ZMIZ1: variants seen among roughly 807,000 people sequenced by gnomAD.
ZMIZ1 encodes the protein zinc finger MIZ-type containing 1, also known as zinc finger MIZ domain-containing protein 1.
Under a neutral mutation model 113.9 loss-of-function variants are expected in ZMIZ1, and 17 were observed. The observed-to-expected ratio is 0.15, with a 90% CI of 0.10 to 0.22. The LOEUF (loss-of-function observed/expected upper bound fraction) is 0.22. ZMIZ1 is among the 10% of genes least tolerant of loss of function. The pLI is 1.00. For synonymous variants in ZMIZ1, 607 were observed against 603.1 expected (o/e 1.01, Z -0.09); for missense variants, 1,059 against 1,477.8 (o/e 0.72, Z 4.65).
chr10:79,304,668 C>G (rs1164569752), intron 19 of ZMIZ1, among the ~76,000 whole-genome samples: 3 of 152,164 alleles, frequency 2.0e-5, no homozygotes, highest in African/African-American at 7.2e-5. Context: ...CAGAAGGGGC[C>G]CAGGGCTGTC....
intron 7 of ZMIZ1, among the ~76,000 whole-genome samples, chr10:79,228,418 C>G (rs1470222437): frequency 6.6e-6 from 1 of 152,216 alleles, no homozygotes; most frequent in Non-Finnish European, 1.5e-5. Context: ...TGGACCTGGG[C>G]CTGCCCCAAC....
chr10:79,097,078 T>C (rs1843191521), intron 1 of ZMIZ1, among the ~76,000 whole-genome samples: 1 of 152,174 alleles, frequency 6.6e-6, no homozygotes, highest in Non-Finnish European at 1.5e-5. Context: ...GTGGGCACCA[T>C]GCATATCTTC....
rs1485671081 is a variant in ZMIZ1 at position 79,314,989 on chromosome 10, G to A, written c.*2240G>A. ...TGATACTTTGCCCCAGAAAGGCCTGGGATTCATTCTGGTTCTTATCAGGGT... is the reference window on the plus strand; with the variant it reads ...TGATACTTTGCCCCAGAAAGGCCTGAGATTCATTCTGGTTCTTATCAGGGT... On this transcript the variant is annotated 3_prime_UTR_variant, in exon 25 of 25. Coordinates refer to ENST00000334512, the MANE Select transcript of ZMIZ1 (RefSeq NM_020338.4). The A allele has an allele frequency of 6.5e-6, 1 of 152,738 alleles. No individual in the cohort carries two copies. Among genetic ancestry groups the A allele is most frequent in the Non-Finnish European group, 1.5e-5 (1 of 68,112 alleles). The allele number at this position is 152,738 out of a possible 1,614,324, so 9.5% of individuals were successfully genotyped here. A position where few individuals can be genotyped will look rare whatever the true frequency, so the allele number is the denominator to read the frequency against.
chr10:79,100,339 G>A (rs969269070), intron 1 of ZMIZ1, among the ~76,000 whole-genome samples: 1 of 151,914 alleles, frequency 6.6e-6, no homozygotes, highest in African/African-American at 2.4e-5. Context: ...GGGCATGGTG[G>A]CTTATGCCTG....
At position 79,265,748 on chromosome 10, in the gene ZMIZ1, C is replaced by T. The variant is rs370258563; in HGVS notation, c.281-11433C>T. Among the ~76,000 whole-genome samples the T allele has an allele frequency of 3.0e-4, 45 of 152,240 alleles. No homozygotes were observed. In the East Asian group the frequency reaches 8.3e-3, roughly 28 times the overall value. On this transcript the variant is annotated intron_variant, in intron 7 of 24. Coordinates refer to ENST00000334512, the MANE Select transcript of ZMIZ1 (RefSeq NM_020338.4). ...ATGTTTTCTATAACCAAGGAGAAGG[C>T]CTAGCCCCTCAGCAGCCCCAGCAGC...
intron 7 of ZMIZ1, among the ~76,000 whole-genome samples, chr10:79,268,169 C>T (rs891014177): frequency 1.2e-4 from 19 of 152,214 alleles, no homozygotes; most frequent in African/African-American, 4.1e-4. Flanking sequence ...ACAGCAGCGC[C>T]GGCCCCTGAG....
intron 7 of ZMIZ1, among the ~76,000 whole-genome samples, chr10:79,246,180 G>A (rs1415832565): frequency 1.3e-5 from 2 of 152,248 alleles, no homozygotes; most frequent in African/African-American, 4.8e-5. Context: ...AGGGTGGCAT[G>A]AGTCCCAGGT....
At chr10:79,237,124 G>C (rs2034615002) in intron 7 of ZMIZ1, among the ~76,000 whole-genome samples, 1 of 139,618 alleles carries the variant, frequency 7.2e-6, no homozygotes, top group African/African-American at 2.6e-5. Context: ...CTGGAGAAGA[G>C]CATTCCTGGC....
chr10:79,218,839 C>A (rs938998012), intron 7 of ZMIZ1, among the ~76,000 whole-genome samples: 1 of 152,018 alleles, frequency 6.6e-6, no homozygotes, highest in Non-Finnish European at 1.5e-5. Flanking sequence ...GGCTTTTTGT[C>A]AGAACTAAGA....
intron 4 of ZMIZ1, among the ~76,000 whole-genome samples, chr10:79,200,901 A>G (rs1374241244): frequency 1.3e-5 from 2 of 151,994 alleles, no homozygotes; most frequent in African/African-American, 4.8e-5. Context: ...ACATGTATGA[A>G]CACACACACA....
rs115901981 is a variant in ZMIZ1, at chr10:79,263,729, C to G, written c.281-13452C>G. Among the ~76,000 whole-genome samples the G allele has an allele frequency of 3.9e-3, 600 of 151,968 alleles. 7 individuals are homozygous for G. Among genetic ancestry groups the G allele is most frequent in the African/African-American group, 0.014 (566 of 41,418 alleles). On this transcript the variant is annotated intron_variant, in intron 7 of 24. Transcript: ENST00000334512. ...GGAATTGGACACTAAGGGTTGAGGT[C>G]AAATCAAATCAAGGGAGTACATGAC...
chr10:79,300,682 TG>T, intron 16 of ZMIZ1, 49 bp from the exon 17 acceptor site: 2 of 1,567,128 alleles, frequency 1.3e-6, no homozygotes, highest in Non-Finnish European at 1.7e-6. Flanking sequence ...ACGGAGGCCA[TG>T]GACAGCCCCC....
intron 7 of ZMIZ1, among the ~76,000 whole-genome samples, chr10:79,250,137 G>T (rs1850458587): frequency 6.6e-6 from 1 of 152,186 alleles, no homozygotes; most frequent in African/African-American, 2.4e-5. Context: ...TCATCCCCTC[G>T]CAGCATGGGC....
intron 1 of ZMIZ1, among the ~76,000 whole-genome samples, chr10:79,072,731 G>C (rs1309754576): frequency 6.6e-6 from 1 of 152,176 alleles, no homozygotes; most frequent in Admixed American, 6.5e-5. Flanking sequence ...TTGCTCCCCA[G>C]GGCCCTGGCC....
chr10:79,293,002 A>T (rs908947700), intron 11 of ZMIZ1: 9 of 439,280 alleles, frequency 2.0e-5, no homozygotes, highest in Non-Finnish European at 3.9e-5. Flanking sequence ...CTGCAGTCTC[A>T]CTCGGGCTCC....
At chr10:79,205,276 C>T (rs1204347619) in intron 5 of ZMIZ1, among the ~76,000 whole-genome samples, 1 of 152,222 alleles carries the variant, frequency 6.6e-6, no homozygotes, top group Non-Finnish European at 1.5e-5. Context: ...AGCCCATCAA[C>T]GGCTGGCCAA....
At position 79,249,230 on chromosome 10, in the gene ZMIZ1, C is replaced by T. The variant is rs80220605; in HGVS notation, c.281-27951C>T. Among the ~76,000 whole-genome samples the T allele has an allele frequency of 7.0e-3, 1,073 of 152,320 alleles. 17 individuals carry two copies. Among genetic ancestry groups the T allele is most frequent in the African/African-American group, 0.024 (1,017 of 41,560 alleles). On this transcript the variant is annotated intron_variant, in intron 7 of 24. Transcript: ENST00000334512. ...TCCCTGGATCCCCACACCCAGCGTC[C>T]GGGGCCACTGTCTCCTTGCGGTCCT...
At position 79,123,572 on chromosome 10, in the gene ZMIZ1, G is replaced by A. The variant is rs185893504; in HGVS notation, c.-227+4548G>A. On this transcript the variant is annotated intron_variant, in intron 2 of 24. Coordinates refer to ENST00000334512, the MANE Select transcript of ZMIZ1 (RefSeq NM_020338.4). ...CCTCCACTGAGCAGCATGGTTGTGC[G>A]GTCTTTTAAGAGAAGGTGGAGAGGG... Among the ~76,000 whole-genome samples, 42 of 152,248 alleles carry A rather than the reference G, an allele frequency of 2.8e-4. No individual in the cohort carries two copies. The East Asian group carries it at 7.5e-3, about 27-fold the overall frequency.
chr10:79,263,121 G>A (rs924865346), intron 7 of ZMIZ1, among the ~76,000 whole-genome samples: 4 of 152,258 alleles, frequency 2.6e-5, no homozygotes, highest in Admixed American at 1.3e-4. Context: ...AAGTACCACT[G>A]CATGCGCCAG....
Sources: gnomAD v4.1 joint callset for allele counts (sites outside exome capture counted in the v4.1 genomes callset) on GRCh38, gnomAD v4.1.1 for gene constraint, MANE v1.5 for transcripts, NCBI Gene and HGNC (gene_info 2026-07-23, HGNC 2026-07-21) for gene names.